Variants in BMP5 observed in about 807,000 individuals in gnomAD.
BMP5 encodes bone morphogenetic protein 5.
Under a neutral mutation model 46.6 loss-of-function variants are expected in BMP5, and 23 were observed. The ratio of observed to expected loss-of-function variants is 0.49; its 90% CI spans 0.35 to 0.70. The LOEUF is 0.70. BMP5 is among the 30% of genes least tolerant of loss of function. The pLI, the probability that BMP5 is intolerant of heterozygous loss-of-function variation, is 0.00. For missense variants in BMP5, 545 were observed against 565.6 expected, an observed-to-expected ratio of 0.96 and a Z score of 0.37; for synonymous variants, 204 against 191.9, an observed-to-expected ratio of 1.06 and a Z score of -0.52.
intron 3 of BMP5, among the ~76,000 whole-genome samples, chr6:55,774,615 C>T (rs975088089): frequency 6.6e-6 from 1 of 151,914 alleles, no homozygotes; most frequent in African/African-American, 2.4e-5. Context: ...CACTAAATGC[C>T]CTGTAATTTT....
chr6:55,814,460 A>G (rs779351788), intron 2 of BMP5, among the ~76,000 whole-genome samples: 1 of 152,100 alleles, frequency 6.6e-6, no homozygotes, highest in Non-Finnish European at 1.5e-5. Flanking sequence ...ATACTTTTTC[A>G]TCTGTTTTTT....
chr6:55,862,339 G>A (rs539848607), intron 1 of BMP5, among the ~76,000 whole-genome samples: 14 of 152,170 alleles, frequency 9.2e-5, no homozygotes, highest in African/African-American at 2.4e-4. Context: ...CCCCAATACC[G>A]TAAGTAGATT....
At chr6:55,874,274 T>C (rs1290673688) in intron 1 of BMP5, 102 bp downstream of exon 1, 18 of 1,475,894 alleles carry the variant, frequency 1.2e-5, no homozygotes, top group Non-Finnish European at 1.6e-5. Context: ...TTAGAGAAAA[T>C]GTCTTTATAT....
At chr6:55,864,180 C>T (rs536717225) in intron 1 of BMP5, among the ~76,000 whole-genome samples, 2 of 152,230 alleles carry the variant, frequency 1.3e-5, no homozygotes, top group South Asian at 4.2e-4. Context: ...TAGCTGGAAT[C>T]TGTACTTATT....
At chr6:55,860,832 AT>A (rs1198503536) in intron 1 of BMP5, among the ~76,000 whole-genome samples, 1 of 152,164 alleles carries the variant, frequency 6.6e-6, no homozygotes, top group Non-Finnish European at 1.5e-5. Context: ...GTACTTCTGC[AT>A]TTTGCTTTGA....
intron 2 of BMP5, among the ~76,000 whole-genome samples, chr6:55,803,421 A>G (rs994937898): frequency 3.3e-5 from 5 of 152,190 alleles, no homozygotes; most frequent in African/African-American, 1.2e-4. Context: ...TATTACCTAA[A>G]CAGAAATGAC....
rs141322061 is a variant in BMP5, at chr6:55,838,213, T to C, written c.491-18366A>G. On this transcript the variant is annotated intron_variant, in intron 1 of 6. Coordinates refer to ENST00000370830, the MANE Select transcript of BMP5 (RefSeq NM_021073.4). ...TCAATTTGCAGTTTTTCAAGGAACCTCCAAACTGTTCTCCATAGTGGTTAT... is the reference window on the plus strand; with the variant it reads ...TCAATTTGCAGTTTTTCAAGGAACCCCCAAACTGTTCTCCATAGTGGTTAT... Among the ~76,000 whole-genome samples the C allele has an allele frequency of 7.6e-4, 115 of 152,300 alleles. 2 individuals carry two copies. The East Asian group carries it at 0.014, about 18-fold the overall frequency.
intron 2 of BMP5, among the ~76,000 whole-genome samples, chr6:55,795,576 AC>A (rs1319695155): frequency 6.6e-6 from 1 of 152,118 alleles, no homozygotes; most frequent in Non-Finnish European, 1.5e-5. Context: ...AATAAATCAT[AC>A]TTTTTTAATG....
chr6:55,797,896 G>A (rs544308360), intron 2 of BMP5, among the ~76,000 whole-genome samples: 5 of 152,210 alleles, frequency 3.3e-5, no homozygotes, highest in African/African-American at 7.2e-5. Context: ...GATTACAGGC[G>A]TGAGCCACTG....
chr6:55,774,146 T>C lies in BMP5; in HGVS notation c.930A>G (p.Val310=), dbSNP rs1405557447. Residue 310 remains valine, a synonymous_variant, in exon 4 of 7, where the codon GTA becomes GTG. Coordinates refer to ENST00000370830, the MANE Select transcript of BMP5 (RefSeq NM_021073.4). ...TGGCTGCTCTCACGGATCGAAGAAGTACCTCACTCGCCTTGAAGAAGGCCA... is the reference window on the plus strand; with the variant it reads ...TGGCTGCTCTCACGGATCGAAGAAGCACCTCACTCGCCTTGAAGAAGGCCA... The part of the protein sequence containing the change: ...FMVAFFKASE[V]LLRSVRAANK... The C allele has an allele frequency of 1.9e-6, 3 of 1,613,178 alleles. No individual in the cohort carries two copies. Among genetic ancestry groups the C allele is most frequent in the Non-Finnish European group, 2.5e-6 (3 of 1,179,440 alleles).
At chr6:55,780,090 A>C (rs60864468) in intron 3 of BMP5, among the ~76,000 whole-genome samples, 6,053 of 151,976 alleles carry the variant, frequency 0.04, 399 homozygotes, top group African/African-American at 0.14. Context: ...TAATCTAAAA[A>C]AAAAGCCACT....
chr6:55,757,421 T>A (rs780168090), intron 6 of BMP5, among the ~76,000 whole-genome samples: 1 of 152,020 alleles, frequency 6.6e-6, no homozygotes, highest in Non-Finnish European at 1.5e-5. Context: ...CTTCATAGGA[T>A]GAAACAACAG....
intron 4 of BMP5, chr6:55,772,869 G>A: frequency 1.0e-6 from 1 of 984,978 alleles, no homozygotes; most frequent in South Asian, 4.7e-5. Flanking sequence ...TACCCTTTAG[G>A]AAAAGTCCAA....
In BMP5 at chr6:55,778,262, G is replaced by A. The variant is rs575856195; in HGVS notation, c.833-4019C>T. Among the ~76,000 whole-genome samples, 3 of 152,070 alleles carry A rather than the reference G, an allele frequency of 2.0e-5. No homozygotes were observed. The South Asian group carries it at 6.2e-4, about 32-fold the overall frequency. On this transcript the variant is annotated intron_variant, in intron 3 of 6. Coordinates refer to ENST00000370830, the MANE Select transcript of BMP5 (RefSeq NM_021073.4). ...TAAATGGATGGGGTGGTAATAGGAG[G>A]TAAAAAGCTTGGTTGCTGGAAGCTG...
rs998852552 is a variant in BMP5, at chr6:55,760,562, A to G, written c.1028-29T>C. 4 of 1,590,088 alleles carry G rather than the reference A, an allele frequency of 2.5e-6. No individual in the cohort carries two copies. The East Asian group carries it at 6.7e-5, about 27-fold the overall frequency. On this transcript the variant is annotated intron_variant, in intron 4 of 6. Transcript: ENST00000370830. ...AAGATAAAAACCACATTTTGAATAA[A>G]TGGTTGCTTACAGATATACTAATAC...
At chr6:55,760,435 A>C (rs775458802) in intron 5 of BMP5, 22 bp downstream of exon 5, 1 of 1,608,380 alleles carries the variant, frequency 6.2e-7, no homozygotes, top group Non-Finnish European at 8.5e-7. Flanking sequence ...AAGAAGCACC[A>C]AAGTTGACTG....
chr6:55,844,180 C>G (rs1233613961), intron 1 of BMP5, among the ~76,000 whole-genome samples: 1 of 151,916 alleles, frequency 6.6e-6, no homozygotes, highest in African/African-American at 2.4e-5. Flanking sequence ...TAAGCCACCT[C>G]CCCCACTAAG....
chr6:55,853,202 TA>T (rs1282674816), intron 1 of BMP5, among the ~76,000 whole-genome samples: 1 of 146,870 alleles, frequency 6.8e-6, no homozygotes, highest in Non-Finnish European at 1.5e-5. Context: ...TAAAATAAAA[TA>T]AAATAAAATA....
At chr6:55,841,338 T>G (rs954246299) in intron 1 of BMP5, among the ~76,000 whole-genome samples, 2 of 152,218 alleles carry the variant, frequency 1.3e-5, no homozygotes, top group Admixed American at 1.3e-4. Flanking sequence ...AAAGTTATTT[T>G]AAAACACTGA....
Sources: gnomAD v4.1 joint callset for allele counts (sites outside exome capture counted in the v4.1 genomes callset) on GRCh38, gnomAD v4.1.1 for gene constraint, MANE v1.5 for transcripts, NCBI Gene and HGNC (gene_info 2026-07-23, HGNC 2026-07-21) for gene names.